The following NDUFV1 variants were observed in gnomAD, a reference collection of about 807,000 sequenced individuals.
NDUFV1 encodes NADH dehydrogenase [ubiquinone] flavoprotein 1, mitochondrial.
A neutral mutation model predicts 48.7 loss-of-function variants in NDUFV1; 41 were observed. The observed-to-expected ratio is 0.84, with a 90% CI of 0.66 to 1.09. NDUFV1 has a LOEUF of 1.09. NDUFV1 is among the 50% of genes least tolerant of loss of function. NDUFV1 has a pLI of 0.00. For synonymous variants in NDUFV1, 231 were observed against 259.1 expected, an observed-to-expected ratio of 0.89 and a Z score of 1.04; for missense variants, 580 against 645.4, an observed-to-expected ratio of 0.90 and a Z score of 1.10.
Position 67,612,249 on chromosome 11 carries a change from C to T in NDUFV1, c.1292C>T (p.Ala431Val), listed in dbSNP as rs759330133. ...ACGATTTGTGCTCTGGGTGACGGGG[C>T]CGCCTGGCCTGTGCAGGTATTCACC... ...GHTICALGDG[A>V]AWPVQGLIRH... Residue 431 changes from alanine to valine, a missense_variant, in exon 9 of 10, where the codon GCC becomes GTC. Transcript: ENST00000322776. This position sits in a 1 kb window ranked among gnomAD's most constrained non-coding sequence, Gnocchi z 4.4. 11 of 1,613,762 alleles carry T rather than the reference C, an allele frequency of 6.8e-6. No individual in the cohort carries two copies. The highest frequency in any genetic ancestry group is 6.6e-5 in the South Asian group (6 of 91,078).
At chr11:67,610,010 T>C (rs1170586632) in intron 4 of NDUFV1, 4 of 352,740 alleles carry the variant, frequency 1.1e-5, no homozygotes, top group African/African-American at 4.2e-5. Flanking sequence ...ATAATACTTA[T>C]ATCTGTAGGA....
intron 1 of NDUFV1, chr11:67,608,153 G>T: frequency 1.8e-6 from 1 of 554,942 alleles, no homozygotes; most frequent in Non-Finnish European, 3.2e-6. Flanking sequence ...TTGAACCTGG[G>T]AGGTGGAGTT....
Position 67,611,504 on chromosome 11 carries a change from T to A in NDUFV1, c.1015T>A (p.Phe339Ile). 6.2e-7 allele frequency: 1 copy of A among 1,613,678 alleles called. No homozygotes were observed. Among genetic ancestry groups the A allele is most frequent in the Non-Finnish European group, 8.5e-7 (1 of 1,179,862 alleles). Residue 339 changes from phenylalanine to isoleucine, a missense_variant, in exon 7 of 10, where the codon TTC (phenylalanine) becomes ATC (isoleucine). By Grantham distance (21) the Phe-to-Ile change is conservative. Coordinates refer to ENST00000322776, the MANE Select transcript of NDUFV1 (RefSeq NM_007103.4). The surrounding 1 kb of genome is among the most constrained non-coding windows in gnomAD (Gnocchi z 4.2). The part of the protein sequence containing the change: ...KSVCETVLMD[F>I]DALVQAQTGL... ...TGTGTGTGAGACGGTGCTGATGGAC[T>A]TCGATGCGCTGGTGCAGGCACAGAC...
intron 1 of NDUFV1, 73 bp from the exon 2 acceptor site, chr11:67,608,323 G>A: frequency 7.0e-7 from 1 of 1,437,536 alleles, no homozygotes; most frequent in Non-Finnish European, 9.8e-7. Context: ...GGAGACCCAA[G>A]ATTCTGTAGC....
intron 1 of NDUFV1, chr11:67,607,384 G>C (rs1854826994): frequency 1.7e-6 from 1 of 581,928 alleles, no homozygotes; most frequent in Non-Finnish European, 3.2e-6. Flanking sequence ...GGCGTGAAGG[G>C]GTCATTGCCC....
chr11:67,611,250 G>C lies in NDUFV1; in HGVS notation c.913+43G>C. The C allele has an allele frequency of 6.3e-7, 1 of 1,599,128 alleles. No individual in the cohort carries two copies. Among genetic ancestry groups the C allele is most frequent in the Non-Finnish European group, 8.6e-7 (1 of 1,167,424 alleles). The stretch of plus-strand genomic sequence containing the variant: ...CCAGGTGGTGGGGGGGTGCGCAGTG[G>C]GGGCAGGTGTCCACAAAGAGAGCCT... On this transcript the variant is annotated intron_variant, in intron 6 of 9. Coordinates refer to ENST00000322776, the MANE Select transcript of NDUFV1 (RefSeq NM_007103.4). The surrounding 1 kb of genome is among the most constrained non-coding windows in gnomAD (Gnocchi z 4.2).
In NDUFV1 at chr11:67,610,419, C is replaced by T; in HGVS notation, c.549C>T (p.Gly183=). ...IREAYEAGLI[G]KNACGSGYDF... ...AGGCCTATGAGGCAGGTCTGATTGG[C>T]AAGAATGCTTGTGGCTCTGGCTATG... Residue 183 remains glycine, a synonymous_variant, in exon 5 of 10, where the codon GGC becomes GGT. Transcript: ENST00000322776. The T allele has an allele frequency of 1.2e-6, 2 of 1,614,096 alleles. No homozygotes were observed. The highest frequency in any genetic ancestry group is 1.7e-6 in the Non-Finnish European group (2 of 1,180,028).
chr11:67,612,226 G>T lies in NDUFV1; in HGVS notation c.1269G>T (p.Thr423=). ...WEISKQIEGH[T]ICALGDGAAW... is the part of the protein sequence containing the mutation. ...TCAGCAAGCAGATAGAAGGCCATAC[G>T]ATTTGTGCTCTGGGTGACGGGGCCG... The change falls in exon 9 of 10, where the codon ACG becomes ACT. Residue 423 remains threonine, a synonymous_variant. Coordinates refer to ENST00000322776, the MANE Select transcript of NDUFV1 (RefSeq NM_007103.4). This position sits in a 1 kb window ranked among gnomAD's most constrained non-coding sequence, Gnocchi z 4.4. The T allele has an allele frequency of 6.2e-7, 1 of 1,613,818 alleles. No homozygotes were observed. The highest frequency in any genetic ancestry group is 8.5e-7 in the Non-Finnish European group (1 of 1,179,954).
Position 67,611,841 on chromosome 11 carries a change from GAGGCCC to G in NDUFV1, c.1081-51_1081-46del. Reference sequence around the variant, plus strand: ...GGGGAGGGGCTGCTGCTAGGGGGCTGAGGCCCAGGCTTCTGTCTGGCCGTGGGTGCC... The same window carrying G: ...GGGGAGGGGCTGCTGCTAGGGGGCTGAGGCTTCTGTCTGGCCGTGGGTGCC... On this transcript the variant is annotated intron_variant, in intron 7 of 9. Transcript: ENST00000322776. The surrounding 1 kb of genome is among the most constrained non-coding windows in gnomAD (Gnocchi z 4.2). The G allele has an allele frequency of 6.3e-7, 1 of 1,595,622 alleles. No homozygotes were observed. The highest frequency in any genetic ancestry group is 1.7e-5 in the Admixed American group (1 of 59,960).
rs1854943547 is a variant in NDUFV1, at chr11:67,612,554, G to A, written c.*96G>A. 2.9e-6 allele frequency: 4 copies of A among 1,396,176 alleles called. No individual in the cohort carries two copies. The highest frequency in any genetic ancestry group is 4.0e-6 in the Non-Finnish European group (4 of 1,008,912). 86.5% of individuals were successfully genotyped at this position (1,396,176 alleles called of 1,614,324 possible). A position where few individuals can be genotyped will look rare whatever the true frequency, so the allele number is the denominator to read the frequency against. The stretch of plus-strand genomic sequence containing the variant: ...CCCTCCAGCTGCCGCTGCTGTGACT[G>A]TGCTCTTTACCCTTTACCCAGCACA... On this transcript the variant is annotated 3_prime_UTR_variant, in exon 10 of 10. Transcript: ENST00000322776. This position sits in a 1 kb window ranked among gnomAD's most constrained non-coding sequence, Gnocchi z 4.4.
chr11:67,607,559 G>A (rs1394002152), intron 1 of NDUFV1: 12 of 449,854 alleles, frequency 2.7e-5, no homozygotes, highest in Non-Finnish European at 4.0e-5. Context: ...TCCATCACCT[G>A]TGTGTTAAGG....
chr11:67,607,355 C>T lies in NDUFV1; in HGVS notation c.72+279C>T, dbSNP rs563048233. On this transcript the variant is annotated intron_variant, in intron 1 of 9. Coordinates refer to ENST00000322776, the MANE Select transcript of NDUFV1 (RefSeq NM_007103.4). ...GAAGACCCCTAGTCTTTCATTCTCT[C>T]CTTGTCACAGCCTTGTAGGGCGTGA... The T allele has an allele frequency of 1.4e-4, 89 of 638,630 alleles. No homozygotes were observed. The African/African-American group carries it at 1.5e-3, about 11-fold the overall frequency. 39.6% of individuals were successfully genotyped at this position (638,630 alleles called of 1,614,324 possible). A position where few individuals can be genotyped will look rare whatever the true frequency, so the allele number is the denominator to read the frequency against.
At chr11:67,610,161 C>T (rs1359586451) in intron 4 of NDUFV1, 2 of 583,938 alleles carry the variant, frequency 3.4e-6, no homozygotes, top group East Asian at 5.7e-5. Context: ...TTTTTATTTT[C>T]CTGGCAGCAA....
At chr11:67,610,028 AAAAAT>A (rs1854882896) in intron 4 of NDUFV1, 2 of 351,966 alleles carry the variant, frequency 5.7e-6, no homozygotes, top group Non-Finnish European at 1.0e-5. Context: ...GGAAATATAG[AAAAAT>A]AAAATAGGTT....
Position 67,612,103 on chromosome 11 carries a change from T to C in NDUFV1, c.1163-17T>C, listed in dbSNP as rs1208080121. ...CTGGGGAGATCATCAGGCCCTCTCT[T>C]GTGGCTGTGGCTGCAGGTGTGGACT... On this transcript the variant is annotated splice_polypyrimidine_tract_variant and intron_variant, in intron 8 of 9. Transcript: ENST00000322776. The surrounding 1 kb of genome is among the most constrained non-coding windows in gnomAD (Gnocchi z 4.4). 6.2e-7 allele frequency: 1 copy of C among 1,613,220 alleles called. No individual in the cohort carries two copies. Among genetic ancestry groups the C allele is most frequent in the Non-Finnish European group, 8.5e-7 (1 of 1,179,898 alleles).
chr11:67,607,366 C>T (rs1893295), intron 1 of NDUFV1: 3 of 614,706 alleles, frequency 4.9e-6, no homozygotes, highest in Non-Finnish European at 9.1e-6. Flanking sequence ...CTTGTCACAG[C>T]CTTGTAGGGC....
chr11:67,608,412 C>T lies in NDUFV1; in HGVS notation c.89C>T (p.Thr30Ile), dbSNP rs1854850278. ...TCTCCCTAGACAGCACCCAAGAAAA[C>T]CTCATTTGGCTCGCTGAAGGATGAA... ...FSGDTTAPKK[T>I]SFGSLKDEDR... The change falls in exon 2 of 10, where the codon ACC becomes ATC. Residue 30 changes from threonine to isoleucine, a missense_variant. Transcript: ENST00000322776. 7 of 1,613,608 alleles carry T rather than the reference C, an allele frequency of 4.3e-6. No homozygotes were observed. The highest frequency in any genetic ancestry group is 3.3e-5 in the South Asian group (3 of 91,072).
chr11:67,606,985 G>A lies in NDUFV1; in HGVS notation c.-20G>A, dbSNP rs1344039861. 2 of 1,606,924 alleles carry A rather than the reference G, an allele frequency of 1.2e-6. No individual in the cohort carries two copies. The highest frequency in any genetic ancestry group is 1.7e-6 in the Non-Finnish European group (2 of 1,177,536). The stretch of plus-strand genomic sequence containing the variant: ...TGCTATGAAGGTGACAGCGTGAGGT[G>A]ACCCATCTGGCCCGCCGCGATGCTG... On this transcript the variant is annotated 5_prime_UTR_variant, in exon 1 of 10. Coordinates refer to ENST00000322776, the MANE Select transcript of NDUFV1 (RefSeq NM_007103.4).
At chr11:67,608,093 G>A (rs950609527) in intron 1 of NDUFV1, 2 of 447,456 alleles carry the variant, frequency 4.5e-6, no homozygotes, top group Non-Finnish European at 8.2e-6. Context: ...CGGGCGTGGT[G>A]GTGAGTGCCT....
Sources: allele counts gnomAD v4.1 joint callset, GRCh38; gene constraint gnomAD v4.1.1; non-coding constraint Gnocchi (gnomAD v3.1); transcripts MANE v1.5; gene names NCBI Gene and HGNC (gene_info 2026-07-23, HGNC 2026-07-21).